CDK6: variants seen among roughly 807,000 people sequenced by gnomAD.
The protein encoded by CDK6 is cyclin-dependent kinase 6.
Under a neutral mutation model 37.1 loss-of-function variants are expected in CDK6, and 6 were observed. That is an observed-to-expected ratio of 0.16 (90% CI 0.09 to 0.32). The LOEUF (loss-of-function observed/expected upper bound fraction) is 0.32. CDK6 is among the 10% of genes least tolerant of loss of function. CDK6 has a pLI of 1.00. For missense variants in CDK6, 224 were observed against 418.9 expected (o/e 0.53, Z 4.06); for synonymous variants, 160 against 161.3 (o/e 0.99, Z 0.06).
chr7:92,721,851 A>G (rs1434115443), intron 4 of CDK6, among the ~76,000 whole-genome samples: 1 of 152,206 alleles, frequency 6.6e-6, no homozygotes, highest in Non-Finnish European at 1.5e-5. Context: ...TTCACTAGAA[A>G]AATAAAATAA....
rs768788767 is a variant in CDK6 at position 92,622,511 on chromosome 7, CAG to C, written c.698+523_698+524del. Among the ~76,000 whole-genome samples the C allele has an allele frequency of 7.2e-5, 11 of 152,276 alleles. No homozygotes were observed. The East Asian group carries it at 1.5e-3, about 21-fold the overall frequency. On this transcript the variant is annotated intron_variant, in intron 6 of 7. Transcript: ENST00000424848. The stretch of plus-strand genomic sequence containing the variant: ...GTTTTAAATGACTTTCTCAAAGTTG[CAG>C]AGTTATTTTGCCAAAGACTTAGGGT...
intron 2 of CDK6, among the ~76,000 whole-genome samples, chr7:92,781,280 G>A (rs774419790): frequency 1.3e-5 from 2 of 152,232 alleles, no homozygotes; most frequent in Non-Finnish European, 2.9e-5. Context: ...TGACCCGCCA[G>A]CTGCAGGGCA....
rs142293029 is a variant in CDK6 at position 92,672,827 on chromosome 7, T to G, written c.538-1292A>C. Among the ~76,000 whole-genome samples, 5 of 152,378 alleles carry G rather than the reference T, an allele frequency of 3.3e-5. No homozygotes were observed. In the East Asian group the frequency reaches 9.6e-4, roughly 29 times the overall value. On this transcript the variant is annotated intron_variant, in intron 4 of 7. Transcript: ENST00000424848. The stretch of plus-strand genomic sequence containing the variant: ...CTGCTTTATATATTTTGATGCTATA[T>G]TACTTGGTGTGCTAAGATTGCAGTA...
intron 4 of CDK6, among the ~76,000 whole-genome samples, chr7:92,690,528 A>G (rs1797577445): frequency 6.6e-6 from 1 of 152,148 alleles, no homozygotes; most frequent in Admixed American, 6.5e-5. Flanking sequence ...GTAGCCCTGT[A>G]GTATAGTTTG....
chr7:92,676,862 G>A (rs1274213921), intron 4 of CDK6, among the ~76,000 whole-genome samples: 1 of 151,880 alleles, frequency 6.6e-6, no homozygotes, highest in Non-Finnish European at 1.5e-5. Context: ...GGGAGCCTGA[G>A]GCAGGAGAAT....
chr7:92,676,891 G>A (rs1797215685), intron 4 of CDK6, among the ~76,000 whole-genome samples: 1 of 151,398 alleles, frequency 6.6e-6, no homozygotes, highest in Non-Finnish European at 1.5e-5. Flanking sequence ...CCCGGGAGGC[G>A]GAGCTTGCAG....
intron 6 of CDK6, among the ~76,000 whole-genome samples, chr7:92,620,950 T>TA (rs1189650178): frequency 5.9e-5 from 9 of 152,058 alleles, no homozygotes; most frequent in Non-Finnish European, 1.2e-4. Flanking sequence ...TGGCTTTCCT[T>TA]AAAAAAAATT....
intron 2 of CDK6, among the ~76,000 whole-genome samples, chr7:92,814,856 T>C (rs1348357498): frequency 6.6e-6 from 1 of 151,984 alleles, no homozygotes; most frequent in Non-Finnish European, 1.5e-5. Context: ...GAAAATATCT[T>C]CTATTTTTAG....
At chr7:92,696,287 C>A (rs1272738572) in intron 4 of CDK6, among the ~76,000 whole-genome samples, 2 of 152,146 alleles carry the variant, frequency 1.3e-5, no homozygotes, top group African/African-American at 4.8e-5. Flanking sequence ...GGCTAAATTG[C>A]TAACAGGCCA....
intron 6 of CDK6, among the ~76,000 whole-genome samples, chr7:92,619,937 G>A (rs894719655): frequency 6.6e-6 from 1 of 152,156 alleles, no homozygotes; most frequent in African/African-American, 2.4e-5. Context: ...GCACGTGTAA[G>A]TGTCTGGATA....
At chr7:92,677,791 T>C (rs888431733) in intron 4 of CDK6, among the ~76,000 whole-genome samples, 1 of 152,214 alleles carries the variant, frequency 6.6e-6, no homozygotes, top group Non-Finnish European at 1.5e-5. Context: ...CTACATTAAG[T>C]CACTGAAATT....
intron 5 of CDK6, among the ~76,000 whole-genome samples, chr7:92,660,670 A>T (rs1796814881): frequency 6.6e-6 from 1 of 152,202 alleles, no homozygotes; most frequent in Admixed American, 6.5e-5. Context: ...AATTAATGAG[A>T]TGCAGGTCAT....
intron 5 of CDK6, among the ~76,000 whole-genome samples, chr7:92,662,851 G>A (rs1939442523): frequency 6.6e-6 from 1 of 152,162 alleles, no homozygotes; most frequent in Non-Finnish European, 1.5e-5. Context: ...GGCTTTGGCG[G>A]AACTGTGCCC....
chr7:92,756,159 T>TAA (rs1054729093), intron 3 of CDK6, among the ~76,000 whole-genome samples: 3,612 of 134,004 alleles, frequency 0.027, 167 homozygotes, highest in African/African-American at 0.093. Flanking sequence ...TGTAAAATTG[T>TAA]AAAAAAAAAA....
chr7:92,742,648 A>T (rs1285629134), intron 3 of CDK6, among the ~76,000 whole-genome samples: 1 of 152,118 alleles, frequency 6.6e-6, no homozygotes, highest in Non-Finnish European at 1.5e-5. Flanking sequence ...GGTAGGCTAA[A>T]CAAATTGTTT....
At chr7:92,804,697 G>A (rs1336119071) in intron 2 of CDK6, among the ~76,000 whole-genome samples, 1 of 152,090 alleles carries the variant, frequency 6.6e-6, no homozygotes, top group Non-Finnish European at 1.5e-5. Context: ...GAAATGCAGA[G>A]CTCTGAATCT....
rs1479181745 is a variant in CDK6 at position 92,778,946 on chromosome 7, T to TATATATATATATATATATATATAA, written c.234-4116_234-4115insTTATATATATATATATATATATAT. Among the ~76,000 whole-genome samples, 1,096 of 134,658 alleles carry TATATATATATATATATATATATAA rather than the reference T, an allele frequency of 8.1e-3. 60 individuals carry two copies. Among genetic ancestry groups the TATATATATATATATATATATATAA allele is most frequent in the African/African-American group, 0.021 (684 of 33,336 alleles). The allele number at this position is 134,658 out of a possible 152,430, so 88.3% of individuals were successfully genotyped here. ...TATCATATATATATATATATATATA[T>TATATATATATATATATATATATAA]AAGATATTATAGTAATTTCCAAAAG... On this transcript the variant is annotated intron_variant, in intron 2 of 7. Coordinates refer to ENST00000424848, the MANE Select transcript of CDK6 (RefSeq NM_001145306.2).
chr7:92,699,362 A>G (rs1357581900), intron 4 of CDK6, among the ~76,000 whole-genome samples: 3 of 152,276 alleles, frequency 2.0e-5, no homozygotes, highest in Non-Finnish European at 2.9e-5. Context: ...ACCTTTAAAA[A>G]GATAAGTTGA....
chr7:92,724,262 G>A (rs1798456704), intron 4 of CDK6, among the ~76,000 whole-genome samples: 1 of 152,172 alleles, frequency 6.6e-6, no homozygotes, highest in Non-Finnish European at 1.5e-5. Context: ...CGTGCTCAAA[G>A]CTGAGGCCTA....
Sources: allele counts gnomAD v4.1 joint callset (sites outside exome capture counted in the v4.1 genomes callset), GRCh38; gene constraint gnomAD v4.1.1; transcripts MANE v1.5; gene names NCBI Gene and HGNC (gene_info 2026-07-23, HGNC 2026-07-21).